Variants in ADGRL2 observed in about 807,000 individuals in gnomAD.
The protein encoded by ADGRL2 is calcium-independent alpha-latrotoxin receptor 2.
A neutral mutation model predicts 157.4 loss-of-function variants in ADGRL2; 44 were observed. That is an observed-to-expected ratio of 0.28 (90% CI 0.22 to 0.36). The LOEUF (loss-of-function observed/expected upper bound fraction) is 0.36, where lower values mean the gene tolerates loss of function less well. ADGRL2 is among the 10% of genes least tolerant of loss of function. The pLI is 1.00. For missense variants in ADGRL2, 1,510 were observed against 1,768.9 expected (o/e 0.85, Z 2.63); for synonymous variants, 585 against 624.7 (o/e 0.94, Z 0.95).
chr1:81,383,606 A>G (rs1258242862), intron 1 of ADGRL2, among the ~76,000 whole-genome samples: 1 of 151,118 alleles, frequency 6.6e-6, no homozygotes, highest in Non-Finnish European at 1.5e-5. Context: ...AGGCCTTTAT[A>G]TTACTCAGTC....
At chr1:81,633,028 T>C (rs1389107605) in intron 3 of ADGRL2, among the ~76,000 whole-genome samples, 2 of 152,198 alleles carry the variant, frequency 1.3e-5, no homozygotes, top group African/African-American at 2.4e-5. Flanking sequence ...TGTTTTAGGA[T>C]ATACTACAGA....
chr1:81,462,196 T>G (rs1268211519), intron 2 of ADGRL2, among the ~76,000 whole-genome samples: 2 of 152,040 alleles, frequency 1.3e-5, no homozygotes, highest in Non-Finnish European at 2.9e-5. Flanking sequence ...CACCACTCTG[T>G]AAAATGGACC....
In ADGRL2 at chr1:81,655,384, C is replaced by T. The variant is rs571655228; in HGVS notation, c.-143+74404C>T. On this transcript the variant is annotated intron_variant, in intron 3 of 24. Transcript: ENST00000370721. ...GCTCATAAAGGTTAAGTCAATTGCC[C>T]CTGTTCACACAACTAATGAGTGTGG... Among the ~76,000 whole-genome samples, 9 of 152,214 alleles carry T rather than the reference C, an allele frequency of 5.9e-5. No homozygotes were observed. The East Asian group carries it at 1.5e-3, about 26-fold the overall frequency.
Position 81,825,949 on chromosome 1 carries a change from G to T in ADGRL2, c.-100-10936G>T, listed in dbSNP as rs536552609. Reference sequence around the variant, plus strand: ...AGATGTTCAGAAAGAAAGATGTTAGGACAGAGGGATTGAAAGCAATGGGAA... The same window carrying T: ...AGATGTTCAGAAAGAAAGATGTTAGTACAGAGGGATTGAAAGCAATGGGAA... On this transcript the variant is annotated intron_variant, in intron 1 of 23. Transcript: ENST00000686636. Among the ~76,000 whole-genome samples, 3 of 152,218 alleles carry T rather than the reference G, an allele frequency of 2.0e-5. No individual in the cohort carries two copies. In the South Asian group the frequency reaches 6.2e-4, roughly 32 times the overall value.
chr1:81,766,082 A>G (rs1366034418), intron 2 of ADGRL2, among the ~76,000 whole-genome samples: 1 of 152,084 alleles, frequency 6.6e-6, no homozygotes, highest in African/African-American at 2.4e-5. Flanking sequence ...TTTTTGGTTC[A>G]TTTCACAGGA....
At chr1:81,472,437 A>C (rs1257303466) in intron 2 of ADGRL2, among the ~76,000 whole-genome samples, 1 of 152,216 alleles carries the variant, frequency 6.6e-6, no homozygotes. Context: ...GTTGGAGACC[A>C]GCCTGGGCAA....
chr1:81,712,502 G>A (rs891686733), intron 1 of ADGRL2, among the ~76,000 whole-genome samples: 1 of 151,954 alleles, frequency 6.6e-6, no homozygotes, highest in African/African-American at 2.4e-5. Flanking sequence ...CAATTTAATG[G>A]GTATCATAAT....
chr1:81,893,008 C>T (rs2094302434), intron 2 of ADGRL2, among the ~76,000 whole-genome samples: 2 of 152,016 alleles, frequency 1.3e-5, no homozygotes, highest in South Asian at 4.1e-4. Context: ...TGTAAAGAAA[C>T]TTCTTCAAGT....
At chr1:81,907,456 G>C (rs77016063) in intron 3 of ADGRL2, among the ~76,000 whole-genome samples, 2 of 151,986 alleles carry the variant, frequency 1.3e-5, no homozygotes, top group Admixed American at 1.3e-4. Context: ...TATGTAATAC[G>C]TATCTTTTTG....
intron 2 of ADGRL2, among the ~76,000 whole-genome samples, chr1:81,552,015 C>T (rs1307146341): frequency 6.6e-6 from 1 of 152,112 alleles, no homozygotes; most frequent in Non-Finnish European, 1.5e-5. Context: ...AGGACTTGGC[C>T]TATTTTATTT....
At chr1:81,786,482 A>G (rs2087052307) in intron 2 of ADGRL2, among the ~76,000 whole-genome samples, 1 of 152,182 alleles carries the variant, frequency 6.6e-6, no homozygotes, top group African/African-American at 2.4e-5. Flanking sequence ...AGGCTGAGGC[A>G]TGAAAATCAC....
At chr1:81,582,906 A>T (rs2080945616) in intron 3 of ADGRL2, among the ~76,000 whole-genome samples, 1 of 152,022 alleles carries the variant, frequency 6.6e-6, no homozygotes. Flanking sequence ...CTTGGCAACC[A>T]CACAGCCACC....
intron 1 of ADGRL2, among the ~76,000 whole-genome samples, chr1:81,308,910 C>T (rs1659536257): frequency 3.3e-5 from 5 of 152,262 alleles, no homozygotes; most frequent in African/African-American, 1.2e-4. Context: ...TTACATTTTA[C>T]TCCATTTTAG....
At chr1:81,775,905 TAAGGCCTTTTTAGCTGATTGA>T (rs1323346287) in intron 2 of ADGRL2, among the ~76,000 whole-genome samples, 1 of 152,228 alleles carries the variant, frequency 6.6e-6, no homozygotes, top group East Asian at 1.9e-4. Flanking sequence ...TTTTCTAAAA[TAAGGCCTTTTTAGCTGATTGA>T]AAGGCCTCAG....
chr1:81,358,618 T>C (rs2075913775), intron 1 of ADGRL2, among the ~76,000 whole-genome samples: 2 of 152,126 alleles, frequency 1.3e-5, no homozygotes, highest in Admixed American at 6.5e-5. Context: ...CTTCCACTGG[T>C]GCAGTTAAAA....
chr1:81,534,851 A>G (rs2079694956), intron 2 of ADGRL2, among the ~76,000 whole-genome samples: 1 of 152,196 alleles, frequency 6.6e-6, no homozygotes, highest in South Asian at 2.1e-4. Flanking sequence ...ACTATTCTTC[A>G]AGTTTTTTCA....
At chr1:81,859,924 T>A (rs1052251709) in intron 2 of ADGRL2, among the ~76,000 whole-genome samples, 1 of 151,988 alleles carries the variant, frequency 6.6e-6, no homozygotes, top group Non-Finnish European at 1.5e-5. Context: ...CACTGTTTTT[T>A]TTTTCCCCCA....
chr1:81,969,858 G>T (rs960696483), intron 15 of ADGRL2, among the ~76,000 whole-genome samples: 6 of 152,006 alleles, frequency 3.9e-5, no homozygotes, highest in Non-Finnish European at 8.8e-5. Flanking sequence ...CAGGAACTGG[G>T]TAATTAGAGC....
intron 1 of ADGRL2, among the ~76,000 whole-genome samples, chr1:81,364,298 T>A (rs1323622010): frequency 1.3e-5 from 2 of 152,130 alleles, no homozygotes; most frequent in Non-Finnish European, 2.9e-5. Context: ...TTATGACCAA[T>A]TTCCTGTTCA....
Sources: gnomAD v4.1 joint callset for allele counts (sites outside exome capture counted in the v4.1 genomes callset) on GRCh38, gnomAD v4.1.1 for gene constraint, MANE v1.5 for transcripts, NCBI Gene and HGNC (gene_info 2026-07-23, HGNC 2026-07-21) for gene names.